INTS6: variants seen among roughly 807,000 people sequenced by gnomAD.
The protein encoded by INTS6 is integrator complex subunit 6.
INTS6 carries 16 observed loss-of-function variants against 104.9 expected under a neutral mutation model. The observed-to-expected ratio is 0.15, with a 90% CI of 0.10 to 0.23. INTS6 has a LOEUF of 0.23. Among genes scored for constraint, INTS6 ranks in the 10% least tolerant of loss-of-function variants. The probability of loss-of-function intolerance (pLI) is 1.00; values close to 1 mark genes in which losing one functional copy is unlikely to be tolerated. For missense variants in INTS6, 584 were observed against 1,062.8 expected, an observed-to-expected ratio of 0.55 and a Z score of 6.26; for synonymous variants, 324 against 358.7, an observed-to-expected ratio of 0.90 and a Z score of 1.09.
At chr13:51,385,912 CCAAAT>C (rs1449007763) in intron 7 of INTS6, among the ~76,000 whole-genome samples, 5 of 152,182 alleles carry the variant, frequency 3.3e-5, no homozygotes, top group African/African-American at 1.2e-4. Context: ...ATAACCACCA[CCAAAT>C]CAATTTTTCT....
chr13:51,373,051 ATTT>A (rs201584389), intron 15 of INTS6, among the ~76,000 whole-genome samples: 1 of 151,796 alleles, frequency 6.6e-6, no homozygotes, highest in Admixed American at 6.6e-5. Flanking sequence ...TGGAAAAAAT[ATTT>A]TTTTTCCAGG....
intron 4 of INTS6, among the ~76,000 whole-genome samples, chr13:51,413,735 T>C (rs1252134098): frequency 6.6e-6 from 1 of 152,186 alleles, no homozygotes; most frequent in African/African-American, 2.4e-5. Context: ...ATTAACTCAA[T>C]GGCAATGCAC....
chr13:51,431,582 C>T (rs940090865), intron 3 of INTS6, among the ~76,000 whole-genome samples: 14 of 152,116 alleles, frequency 9.2e-5, no homozygotes, highest in African/African-American at 2.2e-4. Flanking sequence ...ATAATATATA[C>T]GCAATATTTA....
chr13:51,368,922 T>C lies in INTS6; in HGVS notation c.2476+17A>G. The stretch of plus-strand genomic sequence containing the variant: ...ATACAGAAATCAGATCTGAGGTTCG[T>C]CTCTTATTATACATACTTCTTCCTG... On this transcript the variant is annotated intron_variant, in intron 16 of 17. Transcript: ENST00000311234. The C allele has an allele frequency of 1.3e-6, 2 of 1,540,414 alleles. No individual in the cohort carries two copies. Among genetic ancestry groups the C allele is most frequent in the Non-Finnish European group, 8.7e-7 (1 of 1,146,040 alleles).
intron 6 of INTS6, 151 bp downstream of exon 6, chr13:51,389,168 T>C (rs548438648): frequency 2.9e-6 from 2 of 683,866 alleles, no homozygotes; most frequent in African/African-American, 1.9e-5. Context: ...ACCTTGACTT[T>C]CCTATTTAAT....
rs1953096088 is a variant in INTS6 at position 51,452,844 on chromosome 13, CTG to C, written c.-321_-320del. On this transcript the variant is annotated 5_prime_UTR_variant, in exon 1 of 18. Coordinates refer to ENST00000311234, the MANE Select transcript of INTS6 (RefSeq NM_012141.3). The surrounding 1 kb of genome is among the most constrained non-coding windows in gnomAD (Gnocchi z 4.2). ...GGGGTCCCGTCCCCGCTCCCGGCCC[CTG>C]TGTGTGTCCCAGCGGGAGACGGGCC... 3 of 1,155,212 alleles carry C rather than the reference CTG, an allele frequency of 2.6e-6. No homozygotes were observed. The highest frequency in any genetic ancestry group is 3.7e-5 in the South Asian group (2 of 54,460). The allele number at this position is 1,155,212 out of a possible 1,614,324, so 71.6% of individuals were successfully genotyped here.
chr13:51,450,288 T>C (rs1444942671), intron 3 of INTS6: 1 of 985,062 alleles, frequency 1.0e-6, no homozygotes, highest in Non-Finnish European at 1.2e-6. Flanking sequence ...ATAGACCACC[T>C]TGCATTATTC....
At chr13:51,348,499 C>G in the INTS6 span, 1 of 1,065,318 alleles carries the variant, frequency 9.4e-7, no homozygotes, top group South Asian at 1.5e-5. Flanking sequence ...CCTCCAGGGT[C>G]TGTGCTTAGC....
chr13:51,404,537 CAT>C (rs1382471505), intron 4 of INTS6, among the ~76,000 whole-genome samples: 1 of 152,072 alleles, frequency 6.6e-6, no homozygotes, highest in Non-Finnish European at 1.5e-5. Flanking sequence ...TGGAAAAACA[CAT>C]ATTCCATAAG....
chr13:51,388,260 C>T (rs1184867821), intron 6 of INTS6, among the ~76,000 whole-genome samples: 1 of 151,366 alleles, frequency 6.6e-6, no homozygotes, highest in African/African-American at 2.4e-5. Flanking sequence ...TCTCAGTGCC[C>T]CCATTCTTTC....
intron 10 of INTS6, among the ~76,000 whole-genome samples, chr13:51,381,544 C>T (rs1335643472): frequency 2.0e-5 from 3 of 152,116 alleles, no homozygotes; most frequent in Non-Finnish European, 4.4e-5. Context: ...TGATCATCAT[C>T]ACTACTCTGC....
At chr13:51,393,626 C>A (rs533129292) in intron 5 of INTS6, among the ~76,000 whole-genome samples, 34 of 152,168 alleles carry the variant, frequency 2.2e-4, no homozygotes, top group Non-Finnish European at 4.6e-4. Context: ...AATAAACTAT[C>A]ACATCAGGAA....
At chr13:51,342,030 C>T in the INTS6 span, among the ~76,000 whole-genome samples, 5 of 152,036 alleles carry the variant, frequency 3.3e-5, no homozygotes, top group Admixed American at 2.0e-4. Flanking sequence ...TTTCGAATGC[C>T]AGGTCAGCTT....
In INTS6 at chr13:51,364,963, ATCTG is replaced by A. The variant is rs1251943233; in HGVS notation, c.*785_*788del. On this transcript the variant is annotated 3_prime_UTR_variant, in exon 18 of 18. Coordinates refer to ENST00000311234, the MANE Select transcript of INTS6 (RefSeq NM_012141.3). ...TTGCTTTTTAAATAGCTTTTAAAGT[ATCTG>A]TCTATCTGCCCCATACAAAGTCATT... The A allele has an allele frequency of 1.3e-5, 2 of 152,558 alleles. No homozygotes were observed. The highest frequency in any genetic ancestry group is 2.4e-5 in the African/African-American group (1 of 41,450). The allele number at this position is 152,558 out of a possible 1,614,324, so 9.5% of individuals were successfully genotyped here. A position where few individuals can be genotyped will look rare whatever the true frequency, so the allele number is the denominator to read the frequency against.
intron 3 of INTS6, chr13:51,448,069 T>C (rs1233008575): frequency 6.6e-6 from 1 of 152,046 alleles, no homozygotes; most frequent in Non-Finnish European, 1.5e-5. Flanking sequence ...AAAAAAAATA[T>C]ACATATATAT....
At chr13:51,417,094 C>G (rs567111774) in intron 4 of INTS6, among the ~76,000 whole-genome samples, 57 of 152,238 alleles carry the variant, frequency 3.7e-4, no homozygotes, top group Middle Eastern at 3.4e-3. Flanking sequence ...TATGTTGTTA[C>G]AGTTCTTTAT....
intron 7 of INTS6, among the ~76,000 whole-genome samples, chr13:51,386,098 C>T (rs1442303768): frequency 6.6e-6 from 1 of 152,174 alleles, no homozygotes; most frequent in Non-Finnish European, 1.5e-5. Flanking sequence ...TGTTACTCCT[C>T]TAAACATACC....
In INTS6 at chr13:51,389,346, C is replaced by CT; in HGVS notation, c.711dup (p.Ala238SerfsTer26). The CT allele has an allele frequency of 6.2e-7, 1 of 1,613,520 alleles. No homozygotes were observed. The highest frequency in any genetic ancestry group is 8.5e-7 in the Non-Finnish European group (1 of 1,179,742). On this transcript the variant is annotated frameshift_variant, in exon 6 of 18. Transcript: ENST00000311234. LOFTEE classifies it high-confidence loss of function. Reference sequence around the variant, plus strand: ...TCTACAGGGGAAGGATCTGGTCCTGCTTTTTCAAAGTTTATTACCACCCCA... The same window carrying CT: ...TCTACAGGGGAAGGATCTGGTCCTGCTTTTTTCAAAGTTTATTACCACCCCA...
At chr13:51,348,682 T>C in the INTS6 span, 3 of 433,782 alleles carry the variant, frequency 6.9e-6, no homozygotes, top group African/African-American at 2.0e-5. Flanking sequence ...TGGGCTGGAA[T>C]GGAGCCCCCC....
Sources: allele counts gnomAD v4.1 joint callset (sites outside exome capture counted in the v4.1 genomes callset), GRCh38; gene constraint gnomAD v4.1.1; non-coding constraint Gnocchi (gnomAD v3.1); transcripts MANE v1.5; gene names NCBI Gene and HGNC (gene_info 2026-07-23, HGNC 2026-07-21).